Variants in CEP135 observed in about 807,000 individuals in gnomAD.
CEP135 encodes centrosomal protein 135.
A neutral mutation model predicts 157.3 loss-of-function variants in CEP135; 142 were observed. The observed-to-expected ratio is 0.90, with a 90% CI of 0.79 to 1.04. CEP135 has a LOEUF of 1.04. Ranked by LOEUF, CEP135 falls within the 50% of genes least tolerant of loss-of-function variation. The pLI is 0.00. For missense variants in CEP135, 1,317 were observed against 1,309.2 expected (o/e 1.01, Z -0.09); for synonymous variants, 396 against 439.8 (o/e 0.90, Z 1.25).
In CEP135 at chr4:56,006,862, G is replaced by T. The variant is rs111730661; in HGVS notation, c.2281-1465G>T. Among the ~76,000 whole-genome samples the T allele has an allele frequency of 9.4e-3, 1,427 of 152,122 alleles. 25 individuals are homozygous for T. Among genetic ancestry groups the T allele is most frequent in the African/African-American group, 0.033 (1,355 of 41,516 alleles). The stretch of plus-strand genomic sequence containing the variant: ...TTTGAAGGATTAGTTATTTACTCCA[G>T]TCTTCTCTGTCTGGCTTGTTTTTTG... On this transcript the variant is annotated intron_variant, in intron 17 of 25. Transcript: ENST00000257287.
intron 24 of CEP135, among the ~76,000 whole-genome samples, chr4:56,021,509 G>A (rs1342925729): frequency 1.3e-5 from 2 of 151,990 alleles, no homozygotes; most frequent in Non-Finnish European, 2.9e-5. Context: ...GCTTTAAATC[G>A]AAGTCTAACT....
intron 15 of CEP135, among the ~76,000 whole-genome samples, chr4:55,994,673 T>C (rs538819754): frequency 6.6e-6 from 1 of 151,856 alleles, no homozygotes; most frequent in Non-Finnish European, 1.5e-5. Context: ...GGCTTTTCTA[T>C]ATCAAGCATA....
intron 14 of CEP135, among the ~76,000 whole-genome samples, chr4:55,990,480 CTGTT>C (rs1482431613): frequency 1.3e-5 from 2 of 152,074 alleles, no homozygotes; most frequent in Non-Finnish European, 2.9e-5. Flanking sequence ...TTTCCAGTGA[CTGTT>C]TGTCCCTACA....
Position 56,024,597 on chromosome 4 carries a change from TG to T in CEP135, c.3418del (p.Val1140CysfsTer7). 1.9e-6 allele frequency: 3 copies of T among 1,608,606 alleles called. No homozygotes were observed. Among genetic ancestry groups the T allele is most frequent in the Non-Finnish European group, 2.6e-6 (3 of 1,175,226 alleles). On this transcript the variant is annotated frameshift_variant, in exon 25 of 26. Transcript: ENST00000257287. LOFTEE classifies it high-confidence loss of function. ...SPSHSPEHRN[V>X] ...CTTCACATTCTCCTGAACATAGAAA[TG>T]TGTAATTATCAGAAAGGTATGTATG...
At chr4:56,015,950 A>G (rs1730759331) in intron 21 of CEP135, among the ~76,000 whole-genome samples, 1 of 152,230 alleles carries the variant, frequency 6.6e-6, no homozygotes, top group Non-Finnish European at 1.5e-5. Context: ...CCTAATCCCC[A>G]GTATCTGTCA....
intron 11 of CEP135, among the ~76,000 whole-genome samples, chr4:55,977,601 T>G (rs112876726): frequency 0.029 from 4,411 of 152,358 alleles, 106 homozygotes; most frequent in Admixed American, 0.053. Flanking sequence ...TTGGATGTTT[T>G]GATCTATGTA....
chr4:55,963,809 C>A (rs1362924948), intron 6 of CEP135, among the ~76,000 whole-genome samples: 1 of 152,146 alleles, frequency 6.6e-6, no homozygotes, highest in Non-Finnish European at 1.5e-5. Flanking sequence ...ACATAAATAA[C>A]AGATAATTAA....
intron 6 of CEP135, chr4:55,960,445 T>G (rs1032808916): frequency 1.3e-5 from 2 of 152,188 alleles, no homozygotes; most frequent in African/African-American, 4.8e-5. Flanking sequence ...AAATTTTGAT[T>G]TGGGTAATTA....
chr4:56,024,458 C>A, intron 24 of CEP135, 43 bp from the exon 25 acceptor site: 1 of 1,436,608 alleles, frequency 7.0e-7, no homozygotes, highest in Non-Finnish European at 9.7e-7. Context: ...TTGATTTTCC[C>A]TGGTGCTTGA....
chr4:56,011,993 AT>A lies in CEP135; in HGVS notation c.2802+11del. On this transcript the variant is annotated intron_variant, in intron 21 of 25. Transcript: ENST00000257287. ...GAAAAAGAAATTCAAGAGGTAATAT[AT>A]TTATTTGTTTTGTAAAGATGTTATT... The A allele has an allele frequency of 6.9e-7, 1 of 1,454,020 alleles. No homozygotes were observed. The highest frequency in any genetic ancestry group is 1.5e-5 in the South Asian group (1 of 67,848). The allele number at this position is 1,454,020 out of a possible 1,614,324, so 90.1% of individuals were successfully genotyped here.
chr4:55,953,060 G>A lies in CEP135; in HGVS notation c.114-25G>A, dbSNP rs964424141. ...TAGAAAGTTAATGAAATATTTCCTG[G>A]TATTTAAATTTTCTGTTCTTTTAGC... On this transcript the variant is annotated intron_variant, in intron 2 of 25. Transcript: ENST00000257287. 1.9e-5 allele frequency: 29 copies of A among 1,504,714 alleles called. No homozygotes were observed. The Admixed American group carries it at 4.6e-4, about 24-fold the overall frequency. The allele number at this position is 1,504,714 out of a possible 1,614,324, so 93.2% of individuals were successfully genotyped here. A position where few individuals can be genotyped will look rare whatever the true frequency, so the allele number is the denominator to read the frequency against.
chr4:56,017,573 T>C, intron 21 of CEP135, 75 bp from the exon 22 acceptor site: 2 of 1,275,532 alleles, frequency 1.6e-6, no homozygotes, highest in Non-Finnish European at 2.1e-6. Context: ...AGTGAGATTG[T>C]TGGCTGTACA....
intron 2 of CEP135, 63 bp from the exon 3 acceptor site, chr4:55,953,022 T>C: frequency 2.2e-6 from 3 of 1,341,310 alleles, no homozygotes; most frequent in Non-Finnish European, 2.0e-6. Context: ...TTTAGAAATA[T>C]GTTTTTAGTT....
chr4:55,972,554 C>G (rs1375221170), intron 10 of CEP135, among the ~76,000 whole-genome samples: 4 of 152,154 alleles, frequency 2.6e-5, no homozygotes, highest in African/African-American at 9.7e-5. Flanking sequence ...GAGTCTCTTT[C>G]CTAGGCCCAT....
At chr4:55,975,088 CT>C in intron 11 of CEP135, 119 bp downstream of exon 11, 1 of 731,848 alleles carries the variant, frequency 1.4e-6, no homozygotes, top group South Asian at 2.2e-5. Context: ...GATTTTGATT[CT>C]TGTTTTCTTT....
At chr4:56,026,089 G>A (rs542434392) in intron 25 of CEP135, among the ~76,000 whole-genome samples, 7 of 152,200 alleles carry the variant, frequency 4.6e-5, no homozygotes, top group African/African-American at 1.7e-4. Flanking sequence ...CGCACCTGTA[G>A]TCTTAGCTAC....
At position 55,969,428 on chromosome 4, in the gene CEP135, TA is replaced by T. The variant is rs5858359; in HGVS notation, c.1110+320del. Reference sequence around the variant, plus strand: ...GGCAACAAGAGCGAAACTCCATCTTTAAAAAAAAAAAAAAAAAAAAGAAAAG... The same window carrying T: ...GGCAACAAGAGCGAAACTCCATCTTTAAAAAAAAAAAAAAAAAAAGAAAAG... On this transcript the variant is annotated intron_variant, in intron 9 of 25. Transcript: ENST00000257287. 0.47 allele frequency among the ~76,000 whole-genome samples: 60,965 copies of T among 129,148 alleles called. 13,964 individuals are homozygous for T. The highest frequency in any genetic ancestry group is 0.57 in the African/African-American group (19,836 of 34,692). 84.7% of individuals were successfully genotyped at this position (129,148 alleles called of 152,430 possible). A position where few individuals can be genotyped will look rare whatever the true frequency, so the allele number is the denominator to read the frequency against.
chr4:56,020,755 C>T lies in CEP135; in HGVS notation c.3295C>T (p.Gln1099Ter), dbSNP rs372068573. The change falls in exon 24 of 26, where the codon CAG becomes TAG. Residue 1099 changes from glutamine (Q) to a stop codon, truncating the protein, a stop_gained. Transcript: ENST00000257287. LOFTEE classifies it high-confidence loss of function. ...LQTDYDALKR[Q>*]ISTERYERER... ...AACAGATTATGATGCTCTGAAAAGG[C>T]AGATCTCAACTGAAAGATACGAACG... The T allele has an allele frequency of 6.2e-6, 10 of 1,613,172 alleles. No homozygotes were observed. The highest frequency in any genetic ancestry group is 8.5e-6 in the Non-Finnish European group (10 of 1,179,596).
chr4:55,999,500 A>G lies in CEP135; in HGVS notation c.2135A>G (p.Asn712Ser). ...TTCTTTTCATTTGTAGATGAACTAA[A>G]CCTTAAGATGACTTCACAGGATGAG... is the stretch of plus-strand genomic sequence containing the variant. ...KILEEKIDEL[N>S]LKMTSQDEEA... The change falls in exon 17 of 26, where the codon AAC becomes AGC. Residue 712 changes from asparagine (N) to serine (S), a missense_variant. Asn to Ser is a conservative substitution (Grantham distance 46). Coordinates refer to ENST00000257287, the MANE Select transcript of CEP135 (RefSeq NM_025009.5). 1 of 1,611,706 alleles carries G rather than the reference A, an allele frequency of 6.2e-7. No homozygotes were observed. The highest frequency in any genetic ancestry group is 8.5e-7 in the Non-Finnish European group (1 of 1,179,508).
Sources: allele counts gnomAD v4.1 joint callset (sites outside exome capture counted in the v4.1 genomes callset), GRCh38; gene constraint gnomAD v4.1.1; transcripts MANE v1.5; gene names NCBI Gene and HGNC (gene_info 2026-07-23, HGNC 2026-07-21).